Variants in DIAPH3 observed in about 807,000 individuals in gnomAD.
DIAPH3 encodes the protein protein diaphanous homolog 3.
In DIAPH3, 117 loss-of-function variants were observed where a neutral mutation model predicts 144.3. The observed-to-expected ratio is 0.81, with a 90% CI of 0.70 to 0.95. The LOEUF (loss-of-function observed/expected upper bound fraction) is 0.95, where lower values mean the gene tolerates loss of function less well. DIAPH3 is among the 40% of genes least tolerant of loss of function. DIAPH3 has a pLI of 0.00. For missense variants in DIAPH3, 1,421 were observed against 1,412.7 expected (o/e 1.01, Z -0.09); for synonymous variants, 519 against 488.9 (o/e 1.06, Z -0.81).
chr13:59,670,780 T>G (rs987846672), intron 27 of DIAPH3, among the ~76,000 whole-genome samples: 2 of 152,082 alleles, frequency 1.3e-5, no homozygotes, highest in African/African-American at 4.8e-5. Context: ...AGACGGGGTT[T>G]CACTGTGTTA....
intron 9 of DIAPH3, among the ~76,000 whole-genome samples, chr13:60,003,837 C>T (rs1370318480): frequency 6.6e-6 from 1 of 152,100 alleles, no homozygotes; most frequent in East Asian, 1.9e-4. Flanking sequence ...GTCTCGGCCT[C>T]CCAAAGTGCT....
intron 3 of DIAPH3, among the ~76,000 whole-genome samples, chr13:60,105,006 G>A (rs1023021527): frequency 5.5e-5 from 8 of 146,040 alleles, no homozygotes. Context: ...TGAGGCAGGA[G>A]AACGGCGTGA....
chr13:59,735,969 G>A (rs1478298169), intron 27 of DIAPH3, among the ~76,000 whole-genome samples: 1 of 152,082 alleles, frequency 6.6e-6, no homozygotes, highest in Non-Finnish European at 1.5e-5. Flanking sequence ...AGGCCCCAGT[G>A]TGTGTTGTTC....
chr13:59,810,946 T>C, intron 24 of DIAPH3, 23 bp from the exon 25 acceptor site: 1 of 1,589,644 alleles, frequency 6.3e-7, no homozygotes, highest in Non-Finnish European at 8.6e-7. Context: ...TGAAAAATGA[T>C]CAATTTTAAC....
chr13:60,118,387 T>C (rs943782950), intron 2 of DIAPH3, among the ~76,000 whole-genome samples: 13 of 152,152 alleles, frequency 8.5e-5, no homozygotes, highest in African/African-American at 3.1e-4. Flanking sequence ...CATCTTACAA[T>C]TTCACAAGTA....
chr13:60,091,539 C>G (rs187436067), intron 4 of DIAPH3, among the ~76,000 whole-genome samples: 1 of 152,280 alleles, frequency 6.6e-6, no homozygotes, highest in Admixed American at 6.5e-5. Context: ...CTCAAGAGAT[C>G]TGCCTCCCAA....
chr13:60,047,105 C>T (rs2056107904), intron 4 of DIAPH3, among the ~76,000 whole-genome samples: 2 of 151,830 alleles, frequency 1.3e-5, no homozygotes, highest in Non-Finnish European at 2.9e-5. Context: ...GCACTTGTAT[C>T]CCAGAAATTA....
intron 25 of DIAPH3, among the ~76,000 whole-genome samples, chr13:59,787,676 G>T (rs1205699081): frequency 1.3e-5 from 2 of 151,298 alleles, no homozygotes; most frequent in East Asian, 2.0e-4. Context: ...AAGAATGCTT[G>T]TAACTCAGTA....
chr13:59,850,099 T>C (rs961276254), intron 22 of DIAPH3, among the ~76,000 whole-genome samples: 1 of 151,072 alleles, frequency 6.6e-6, no homozygotes, highest in African/African-American at 2.4e-5. Flanking sequence ...GGGAGTTCAC[T>C]CATGATTTGG....
chr13:59,788,557 A>T (rs2039153498), intron 25 of DIAPH3, among the ~76,000 whole-genome samples: 1 of 152,224 alleles, frequency 6.6e-6, no homozygotes, highest in Admixed American at 6.5e-5. Context: ...GTGGAAAAAC[A>T]TGTAAAAGGG....
chr13:60,138,277 G>T (rs916417436), intron 1 of DIAPH3, among the ~76,000 whole-genome samples: 26 of 152,146 alleles, frequency 1.7e-4, no homozygotes, highest in Non-Finnish European at 1.9e-4. Context: ...TGTTTAAGAA[G>T]TCATGCCTGT....
chr13:59,833,637 AACAGT>A (rs2041898945), intron 23 of DIAPH3, among the ~76,000 whole-genome samples: 1 of 151,830 alleles, frequency 6.6e-6, no homozygotes, highest in Admixed American at 6.6e-5. Context: ...TATTGAAATC[AACAGT>A]ACAAGCATTA....
chr13:59,982,294 C>T (rs1002670347), intron 13 of DIAPH3, among the ~76,000 whole-genome samples: 1 of 151,372 alleles, frequency 6.6e-6, no homozygotes, highest in Non-Finnish European at 1.5e-5. Context: ...AAAAACCTCT[C>T]AGCTGCCATT....
chr13:59,732,334 T>C (rs1390233894), intron 27 of DIAPH3, among the ~76,000 whole-genome samples: 1 of 151,756 alleles, frequency 6.6e-6, no homozygotes, highest in African/African-American at 2.4e-5. Flanking sequence ...ATAACAAATA[T>C]AATTTACAGA....
At chr13:60,120,874 A>T (rs1263247099) in intron 2 of DIAPH3, among the ~76,000 whole-genome samples, 2 of 152,230 alleles carry the variant, frequency 1.3e-5, no homozygotes, top group Non-Finnish European at 2.9e-5. Flanking sequence ...CAAATTTTTG[A>T]TGCAAGAAAC....
intron 21 of DIAPH3, among the ~76,000 whole-genome samples, chr13:59,877,125 A>G (rs957940310): frequency 1.3e-5 from 2 of 152,174 alleles, no homozygotes; most frequent in Admixed American, 1.3e-4. Context: ...TAATTGAATA[A>G]GGTAGCTTCA....
intron 1 of DIAPH3, chr13:60,153,533 T>C (rs1324619307): frequency 6.6e-6 from 1 of 152,118 alleles, no homozygotes; most frequent in African/African-American, 2.4e-5. Flanking sequence ...TTCCTCAGCC[T>C]CTGGGATTCC....
intron 17 of DIAPH3, among the ~76,000 whole-genome samples, chr13:59,933,285 T>C (rs1018163915): frequency 1.3e-5 from 2 of 152,194 alleles, no homozygotes; most frequent in Admixed American, 6.5e-5. Flanking sequence ...TCATTATGGC[T>C]GTGATTGCTC....
At chr13:59,777,669 C>T (rs1013191146) in intron 25 of DIAPH3, among the ~76,000 whole-genome samples, 7 of 152,224 alleles carry the variant, frequency 4.6e-5, no homozygotes, top group Admixed American at 2.0e-4. Flanking sequence ...TGTAGCACTT[C>T]GCACAAAAAT....
Sources: gnomAD v4.1 joint callset for allele counts (sites outside exome capture counted in the v4.1 genomes callset) on GRCh38, gnomAD v4.1.1 for gene constraint, MANE v1.5 for transcripts, NCBI Gene and HGNC (gene_info 2026-07-23, HGNC 2026-07-21) for gene names.